Variants in TMEM178B observed in about 807,000 individuals in gnomAD.
TMEM178B encodes the protein transmembrane protein 178B.
A neutral mutation model predicts 31.0 loss-of-function variants in TMEM178B; 5 were observed. The ratio of observed to expected loss-of-function variants is 0.16; its 90% CI spans 0.08 to 0.34. The LOEUF is 0.34. TMEM178B is among the 10% of genes least tolerant of loss of function. The pLI is 1.00. For missense variants in TMEM178B, 275 were observed against 400.3 expected (o/e 0.69, Z 2.67); for synonymous variants, 164 against 164.0 (o/e 1.00, Z 0.00).
At chr7:141,180,063 G>A (rs1796495981) in intron 1 of TMEM178B, among the ~76,000 whole-genome samples, 1 of 152,150 alleles carries the variant, frequency 6.6e-6, no homozygotes, top group South Asian at 2.1e-4. Flanking sequence ...TAAATGGCTG[G>A]TGGTCCATAA....
intron 1 of TMEM178B, among the ~76,000 whole-genome samples, chr7:141,175,853 T>C (rs1260553815): frequency 1.3e-5 from 2 of 152,186 alleles, no homozygotes; most frequent in East Asian, 3.8e-4. Flanking sequence ...TAAGGAGATA[T>C]TGGGCTAAGA....
At chr7:141,426,020 T>G (rs993151311) in intron 2 of TMEM178B, among the ~76,000 whole-genome samples, 2 of 152,240 alleles carry the variant, frequency 1.3e-5, no homozygotes, top group Admixed American at 1.3e-4. Context: ...CTGTGTGTCA[T>G]CTGGAATCTG....
intron 2 of TMEM178B, among the ~76,000 whole-genome samples, chr7:141,398,505 C>T (rs1800697310): frequency 6.6e-6 from 1 of 152,146 alleles, no homozygotes; most frequent in Non-Finnish European, 1.5e-5. Flanking sequence ...CACTTCTTTC[C>T]TCCCATCCCC....
chr7:141,399,123 T>G (rs957670526), intron 2 of TMEM178B, among the ~76,000 whole-genome samples: 3 of 152,226 alleles, frequency 2.0e-5, no homozygotes, highest in Non-Finnish European at 4.4e-5. Context: ...TCTGACCAGA[T>G]TTATCTCCTC....
rs1802055771 is a variant in TMEM178B, at chr7:141,461,320, A to G, written c.635-9216A>G. Among the ~76,000 whole-genome samples, 2 of 152,214 alleles carry G rather than the reference A, an allele frequency of 1.3e-5. 1 individual carries two copies. Among genetic ancestry groups the G allele is most frequent in the South Asian group, 4.1e-4 (2 of 4,832 alleles). On this transcript the variant is annotated intron_variant, in intron 3 of 3. Transcript: ENST00000565468. This position sits in a 1 kb window ranked among gnomAD's most constrained non-coding sequence, Gnocchi z 4.0. ...ACATAGGCCCTCTCTCCACATAGCA[A>G]CAAGAGAGGAAGCCAGGATTGGGGA...
intron 2 of TMEM178B, among the ~76,000 whole-genome samples, chr7:141,248,118 T>C (rs1368533325): frequency 1.3e-5 from 2 of 152,052 alleles, no homozygotes; most frequent in Non-Finnish European, 2.9e-5. Context: ...GGCTTAAAGA[T>C]GGGGATACGT....
At chr7:141,271,586 C>T (rs971297759) in intron 2 of TMEM178B, among the ~76,000 whole-genome samples, 1 of 152,178 alleles carries the variant, frequency 6.6e-6, no homozygotes, top group African/African-American at 2.4e-5. Flanking sequence ...CACCATGGAG[C>T]TTCATGACCC....
intron 2 of TMEM178B, among the ~76,000 whole-genome samples, chr7:141,219,743 C>T (rs185668351): frequency 1.3e-3 from 201 of 152,280 alleles, no homozygotes; most frequent in African/African-American, 4.5e-3. Flanking sequence ...ACACAAACCC[C>T]TTAATGTGAT....
At chr7:141,505,898 A>G in the TMEM178B span, among the ~76,000 whole-genome samples, 1 of 152,222 alleles carries the variant, frequency 6.6e-6, no homozygotes, top group South Asian at 2.1e-4. Context: ...GTAGTAGACC[A>G]GGTGCTGACT....
intron 1 of TMEM178B, among the ~76,000 whole-genome samples, chr7:141,209,951 T>C (rs1797028253): frequency 6.6e-6 from 1 of 152,126 alleles, no homozygotes; most frequent in Non-Finnish European, 1.5e-5. Flanking sequence ...ACTTTATGCC[T>C]GAGGAGTGTA....
chr7:141,453,117 T>G (rs935446464), intron 3 of TMEM178B, among the ~76,000 whole-genome samples: 1 of 152,250 alleles, frequency 6.6e-6, no homozygotes, highest in African/African-American at 2.4e-5. Context: ...CCCAGACTCC[T>G]CCTCTGAACT....
At chr7:141,498,480 G>C in the TMEM178B span, among the ~76,000 whole-genome samples, 4 of 152,190 alleles carry the variant, frequency 2.6e-5, no homozygotes, top group African/African-American at 9.7e-5. Flanking sequence ...TTTATACCAT[G>C]GGAATCATTC....
chr7:141,375,169 A>G (rs1043591740), intron 2 of TMEM178B, among the ~76,000 whole-genome samples: 37 of 152,210 alleles, frequency 2.4e-4, no homozygotes, highest in African/African-American at 8.4e-4. Flanking sequence ...CCTTTAAAAC[A>G]CTTAAATGTT....
chr7:141,273,667 T>C (rs1209804786), intron 2 of TMEM178B, among the ~76,000 whole-genome samples: 1 of 151,332 alleles, frequency 6.6e-6, no homozygotes, highest in African/African-American at 2.4e-5. Context: ...GCGGAGAGAG[T>C]GTGCCCTTGT....
At chr7:141,108,086 G>A (rs1284814222) in intron 1 of TMEM178B, among the ~76,000 whole-genome samples, 1 of 152,146 alleles carries the variant, frequency 6.6e-6, no homozygotes, top group Non-Finnish European at 1.5e-5. Context: ...GGTAGTATTA[G>A]CGGTGGAGGA....
intron 1 of TMEM178B, among the ~76,000 whole-genome samples, chr7:141,189,371 T>C (rs918735531): frequency 6.6e-6 from 1 of 152,218 alleles, no homozygotes; most frequent in African/African-American, 2.4e-5. Context: ...TAGCTGAGCC[T>C]GGCCTGTGGG....
chr7:141,111,947 G>C (rs541399102), intron 1 of TMEM178B, among the ~76,000 whole-genome samples: 1 of 152,300 alleles, frequency 6.6e-6, no homozygotes, highest in South Asian at 2.1e-4. Flanking sequence ...AGTAGTTGAA[G>C]TTAACAATCT....
chr7:141,474,308 A>G lies in TMEM178B; in HGVS notation c.*3522A>G, dbSNP rs1200395564. 6.6e-6 allele frequency: 1 copy of G among 152,084 alleles called. No homozygotes were observed. Among genetic ancestry groups the G allele is most frequent in the Non-Finnish European group, 1.5e-5 (1 of 68,020 alleles). 9.4% of individuals were successfully genotyped at this position (152,084 alleles called of 1,614,324 possible). A position where few individuals can be genotyped will look rare whatever the true frequency, so the allele number is the denominator to read the frequency against. Reference sequence around the variant, plus strand: ...GTTTCCTCTCTCTCTACTCACTCCTACTTTCTCCTGCATCAACTTTGGTCA... The same window carrying G: ...GTTTCCTCTCTCTCTACTCACTCCTGCTTTCTCCTGCATCAACTTTGGTCA... On this transcript the variant is annotated 3_prime_UTR_variant, in exon 4 of 4. Coordinates refer to ENST00000565468, the MANE Select transcript of TMEM178B (RefSeq NM_001195278.2).
intron 2 of TMEM178B, among the ~76,000 whole-genome samples, chr7:141,293,862 T>C (rs1798587653): frequency 6.6e-6 from 1 of 152,182 alleles, no homozygotes. Flanking sequence ...CCTATAATAA[T>C]AGAAGGCATC....
Sources: allele counts gnomAD v4.1 joint callset (sites outside exome capture counted in the v4.1 genomes callset), GRCh38; gene constraint gnomAD v4.1.1; non-coding constraint Gnocchi (gnomAD v3.1); transcripts MANE v1.5; gene names NCBI Gene and HGNC (gene_info 2026-07-23, HGNC 2026-07-21).